Variants in PARD3B observed in about 807,000 individuals in gnomAD.
PARD3B encodes the protein partitioning defective 3 homolog B.
A neutral mutation model predicts 130.2 loss-of-function variants in PARD3B; 103 were observed. The ratio of observed to expected loss-of-function variants is 0.79; its 90% CI spans 0.67 to 0.93. PARD3B has a LOEUF of 0.93. PARD3B is among the 40% of genes least tolerant of loss of function. PARD3B has a pLI of 0.00. For synonymous variants in PARD3B, 583 were observed against 553.2 expected (o/e 1.05, Z -0.76); for missense variants, 1,609 against 1,499.2 (o/e 1.07, Z -1.21).
At chr2:205,167,112 A>C (rs77200161) in intron 11 of PARD3B, among the ~76,000 whole-genome samples, 25,705 of 152,054 alleles carry the variant, frequency 0.17, 2,309 homozygotes, top group Middle Eastern at 0.21. Flanking sequence ...AGGGCAGTTG[A>C]GGGGAGGGTT....
chr2:204,766,552 C>G (rs1256477440), intron 2 of PARD3B, among the ~76,000 whole-genome samples: 2 of 151,802 alleles, frequency 1.3e-5, no homozygotes, highest in African/African-American at 4.8e-5. Flanking sequence ...ATTGCTATAC[C>G]TTATTTCATA....
rs917059931 is a variant in PARD3B at position 204,907,020 on chromosome 2, G to A, written c.223-58132G>A. ...TTTTCAGACTGAGTCTTGCTCTGTC[G>A]CCCAGGCTGGAGTTCAGTGGCACGA... On this transcript the variant is annotated intron_variant, in intron 2 of 22. Transcript: ENST00000406610. This position sits in a 1 kb window ranked among gnomAD's most constrained non-coding sequence, Gnocchi z 5.7. 7.3e-5 allele frequency among the ~76,000 whole-genome samples: 11 copies of A among 151,620 alleles called. No homozygotes were observed. Among genetic ancestry groups the A allele is most frequent in the Non-Finnish European group, 1.0e-4 (7 of 67,958 alleles).
At chr2:205,224,916 AT>A (rs1391732914) in intron 15 of PARD3B, among the ~76,000 whole-genome samples, 1 of 151,814 alleles carries the variant, frequency 6.6e-6, no homozygotes, top group Non-Finnish European at 1.5e-5. Context: ...CCATAACCAT[AT>A]TTTTTTCCTA....
intron 3 of PARD3B, among the ~76,000 whole-genome samples, chr2:204,997,786 T>C (rs965098937): frequency 2.0e-5 from 3 of 151,512 alleles, no homozygotes; most frequent in African/African-American, 7.2e-5. Flanking sequence ...TTCATAATCT[T>C]AATGAAGACT....
At chr2:204,811,125 C>A (rs1575043574) in intron 2 of PARD3B, among the ~76,000 whole-genome samples, 1 of 152,034 alleles carries the variant, frequency 6.6e-6, no homozygotes, top group South Asian at 2.1e-4. Flanking sequence ...TCTCTGATAG[C>A]TGTTTTTATT....
At chr2:204,861,536 A>G (rs1375348787) in intron 2 of PARD3B, among the ~76,000 whole-genome samples, 3 of 152,176 alleles carry the variant, frequency 2.0e-5, no homozygotes, top group Non-Finnish European at 2.9e-5. Flanking sequence ...GTAATTGAAA[A>G]TGCTACTGAA....
At chr2:204,763,073 T>G (rs1381419899) in intron 2 of PARD3B, among the ~76,000 whole-genome samples, 1 of 152,192 alleles carries the variant, frequency 6.6e-6, no homozygotes, top group East Asian at 1.9e-4. Flanking sequence ...TTCGTTTTTC[T>G]TTACTTGACA....
intron 5 of PARD3B, among the ~76,000 whole-genome samples, chr2:205,106,322 T>A (rs1201944772): frequency 2.6e-5 from 4 of 151,976 alleles, no homozygotes; most frequent in African/African-American, 9.7e-5. Context: ...GCTAATTTTG[T>A]ATTTATAGCA....
At chr2:205,349,430 G>A (rs535212233) in intron 18 of PARD3B, among the ~76,000 whole-genome samples, 56 of 152,288 alleles carry the variant, frequency 3.7e-4, no homozygotes, top group Middle Eastern at 3.4e-3. Context: ...GCCATGGTCA[G>A]ATAGTAAGTA....
chr2:204,589,978 A>G (rs1037833491), intron 1 of PARD3B, among the ~76,000 whole-genome samples: 13 of 152,172 alleles, frequency 8.5e-5, no homozygotes, highest in Admixed American at 5.2e-4. Context: ...AATCAAGCAA[A>G]TCCCTTCCTC....
chr2:204,662,076 A>T (rs2125185498), intron 1 of PARD3B, among the ~76,000 whole-genome samples: 1 of 152,350 alleles, frequency 6.6e-6, no homozygotes, highest in Middle Eastern at 3.4e-3. Flanking sequence ...TGTACTGTAA[A>T]ATACACTGGT....
intron 2 of PARD3B, among the ~76,000 whole-genome samples, chr2:204,819,501 A>G (rs369351541): frequency 2.0e-5 from 3 of 152,154 alleles, no homozygotes; most frequent in Non-Finnish European, 2.9e-5. Context: ...TTGAGACACA[A>G]TGATAATATA....
At chr2:204,926,812 T>C (rs994974023) in intron 2 of PARD3B, among the ~76,000 whole-genome samples, 2 of 152,146 alleles carry the variant, frequency 1.3e-5, no homozygotes, top group Non-Finnish European at 2.9e-5. Flanking sequence ...TTTGAAATTA[T>C]AAGAATGGCA....
intron 20 of PARD3B, among the ~76,000 whole-genome samples, chr2:205,487,898 G>A (rs552029245): frequency 4.4e-4 from 67 of 152,296 alleles, no homozygotes; most frequent in East Asian, 1.5e-3. Context: ...GAGTGTGTGC[G>A]TATTAGTGTT....
intron 2 of PARD3B, among the ~76,000 whole-genome samples, chr2:204,818,079 T>C (rs553447571): frequency 6.6e-6 from 1 of 152,272 alleles, no homozygotes; most frequent in African/African-American, 2.4e-5. Context: ...CCTAATGACA[T>C]ACTCTCTACT....
chr2:205,422,200 A>G (rs1011239534), intron 19 of PARD3B, among the ~76,000 whole-genome samples: 4 of 152,186 alleles, frequency 2.6e-5, no homozygotes, highest in Non-Finnish European at 5.9e-5. Flanking sequence ...TCAGACAGAA[A>G]GAACTGCAAG....
At chr2:205,557,047 T>TC (rs1309285627) in intron 22 of PARD3B, among the ~76,000 whole-genome samples, 6 of 151,972 alleles carry the variant, frequency 3.9e-5, no homozygotes, top group African/African-American at 7.3e-5. Flanking sequence ...GATCCCATTA[T>TC]CCCCCTCTCT....
chr2:205,258,475 T>A lies in PARD3B; in HGVS notation c.2185+12653T>A, dbSNP rs2040182027. On this transcript the variant is annotated intron_variant, in intron 16 of 22. Transcript: ENST00000406610. This position sits in a 1 kb window ranked among gnomAD's most constrained non-coding sequence, Gnocchi z 4.9. ...GAAGCCAGTTTCTCTCACCTTACTG[T>A]TTACCTCCTTATAGAGCTAATCACA... Among the ~76,000 whole-genome samples, 2 of 152,198 alleles carry A rather than the reference T, an allele frequency of 1.3e-5. No homozygotes were observed. Among genetic ancestry groups the A allele is most frequent in the South Asian group, 4.1e-4 (2 of 4,832 alleles).
rs1219889958 is a variant in PARD3B, at chr2:205,268,489, C to T, written c.2185+22667C>T. Among the ~76,000 whole-genome samples the T allele has an allele frequency of 3.3e-5, 5 of 152,106 alleles. No individual in the cohort carries two copies. Among genetic ancestry groups the T allele is most frequent in the Non-Finnish European group, 7.3e-5 (5 of 68,030 alleles). The stretch of plus-strand genomic sequence containing the variant: ...AGCCCTCTTAAGATTCTATGCTTCT[C>T]TGGGTGTTAAAAGTCCACTGGAAAA... On this transcript the variant is annotated intron_variant, in intron 16 of 22. Coordinates refer to ENST00000406610, the MANE Select transcript of PARD3B (RefSeq NM_001302769.2). The surrounding 1 kb of genome is among the most constrained non-coding windows in gnomAD (Gnocchi z 4.1).
Sources: allele counts gnomAD v4.1 joint callset (sites outside exome capture counted in the v4.1 genomes callset), GRCh38; gene constraint gnomAD v4.1.1; non-coding constraint Gnocchi (gnomAD v3.1); transcripts MANE v1.5; gene names NCBI Gene and HGNC (gene_info 2026-07-23, HGNC 2026-07-21).